POLR1D: variants seen among roughly 807,000 people sequenced by gnomAD.
POLR1D encodes RNA polymerase I and III subunit D.
A neutral mutation model predicts 10.8 loss-of-function variants in POLR1D; 8 were observed. The observed-to-expected ratio is 0.74, with a 90% confidence interval of 0.43 to 1.33. The LOEUF (loss-of-function observed/expected upper bound fraction) is 1.33, where lower values mean the gene tolerates loss of function less well. Ranked by LOEUF, POLR1D falls within the 40% of genes most tolerant of loss-of-function variation. POLR1D has a pLI of 0.01. For missense variants in POLR1D, 152 were observed against 161.7 expected (o/e 0.94, Z 0.32); for synonymous variants, 54 against 57.2 (o/e 0.94, Z 0.25).
rs1014369151 is a variant in POLR1D, at chr13:27,623,014, C to T, written c.166C>T (p.Arg56Cys). ...EEDHTLGNSL[R>C]YMIMKNPEVE... The stretch of plus-strand genomic sequence containing the variant: ...AGACCATACCCTAGGAAATTCTCTA[C>T]GTTACATGATCATGAAGAACCCGGA... The change falls in exon 2 of 2, where the codon CGT becomes TGT. Residue 56 changes from arginine to cysteine, a missense_variant. Arg to Cys is a radical substitution (Grantham distance 180). Coordinates refer to ENST00000302979, the MANE Select transcript of POLR1D (RefSeq NM_015972.4). The T allele has an allele frequency of 5.6e-6, 9 of 1,614,002 alleles. No homozygotes were observed. Among genetic ancestry groups the T allele is most frequent in the South Asian group, 1.1e-5 (1 of 91,072 alleles).
Position 27,621,980 on chromosome 13 carries a change from A to G in POLR1D, c.-4A>G, listed in dbSNP as rs1230046366. ...CACCTGAGGATCCAGAAACCGCCCC[A>G]GCGATGGAAGAGGATCAGGAGCTGG... On this transcript the variant is annotated 5_prime_UTR_variant, in exon 1 of 2. Coordinates refer to ENST00000302979, the MANE Select transcript of POLR1D (RefSeq NM_015972.4). The G allele has an allele frequency of 1.3e-6, 2 of 1,593,270 alleles. No individual in the cohort carries two copies. Among genetic ancestry groups the G allele is most frequent in the South Asian group, 1.1e-5 (1 of 87,660 alleles).
chr13:27,659,377 C>G (rs774648062), intron 2 of POLR1D, among the ~76,000 whole-genome samples: 2 of 152,206 alleles, frequency 1.3e-5, no homozygotes, highest in Non-Finnish European at 2.9e-5. Context: ...GCTCACATCT[C>G]AGACGATTCG....
chr13:27,657,504 C>T (rs60653567), intron 2 of POLR1D, among the ~76,000 whole-genome samples: 5,180 of 151,840 alleles, frequency 0.034, 137 homozygotes, highest in Non-Finnish European at 0.054. Context: ...CCAGCCTGGG[C>T]GACGGAGCAA....
chr13:27,635,030 GATA>G (rs1296971740), intron 1 of POLR1D, among the ~76,000 whole-genome samples: 2 of 152,076 alleles, frequency 1.3e-5, no homozygotes, highest in African/African-American at 4.8e-5. Flanking sequence ...GACTCATAAA[GATA>G]ACAGCTTTGC....
At chr13:27,658,569 A>G (rs10492484) in intron 2 of POLR1D, among the ~76,000 whole-genome samples, 7,442 of 152,310 alleles carry the variant, frequency 0.049, 281 homozygotes, top group South Asian at 0.12. Context: ...GATATTCCAT[A>G]AGAAATAGAT....
intron 1 of POLR1D, among the ~76,000 whole-genome samples, chr13:27,646,688 A>T (rs560979855): frequency 6.6e-6 from 1 of 152,218 alleles, no homozygotes; most frequent in Non-Finnish European, 1.5e-5. Context: ...AAATAAGCAG[A>T]TGTATTTTTG....
chr13:27,654,539 G>A (rs930429930), intron 2 of POLR1D, among the ~76,000 whole-genome samples: 19 of 152,204 alleles, frequency 1.2e-4, no homozygotes, highest in African/African-American at 4.3e-4. Context: ...AATACTGGGA[G>A]TTGTTTTCCT....
chr13:27,648,761 T>C (rs139520710), intron 2 of POLR1D, among the ~76,000 whole-genome samples: 3 of 152,362 alleles, frequency 2.0e-5, no homozygotes, highest in Non-Finnish European at 4.4e-5. Context: ...AGTAATATTA[T>C]GTTGGTGTTC....
rs533581205 is a variant in POLR1D at position 27,652,412 on chromosome 13, G to A, written c.101+3959G>A. Among the ~76,000 whole-genome samples the A allele has an allele frequency of 3.3e-5, 5 of 152,308 alleles. No homozygotes were observed. The South Asian group carries it at 8.3e-4, about 25-fold the overall frequency. On this transcript the variant is annotated intron_variant, in intron 2 of 2. Coordinates refer to the POLR1D transcript ENST00000399697. ...GATGTACTCTTTAGGAATAACACTG[G>A]TTAGGTTGGTAGTTACACAGAGTTA... is the stretch of plus-strand genomic sequence containing the variant.
At chr13:27,655,385 A>G (rs781461970) in intron 2 of POLR1D, among the ~76,000 whole-genome samples, 8 of 152,206 alleles carry the variant, frequency 5.3e-5, no homozygotes, top group Non-Finnish European at 1.0e-4. Flanking sequence ...TAATTACCAT[A>G]TCAATGAAAT....
intron 1 of POLR1D, among the ~76,000 whole-genome samples, chr13:27,632,764 A>C (rs984539129): frequency 2.0e-5 from 3 of 151,864 alleles, no homozygotes; most frequent in African/African-American, 7.3e-5. Flanking sequence ...CTACCCCTCA[A>C]ACACACACAC....
chr13:27,648,265 A>G (rs565961296), intron 1 of POLR1D: 4 of 718,346 alleles, frequency 5.6e-6, no homozygotes, highest in Non-Finnish European at 2.4e-6. Flanking sequence ...AATTTGCCCC[A>G]GCAATCATGC....
At chr13:27,621,764 C>G, upstream of POLR1D, 1 of 382,670 alleles carries the variant, frequency 2.6e-6, no homozygotes, top group Non-Finnish European at 4.6e-6. Context: ...GGCCGCGAGC[C>G]ACCGCTCACC....
intron 1 of POLR1D, among the ~76,000 whole-genome samples, chr13:27,644,019 T>G (rs1232739485): frequency 6.6e-6 from 1 of 152,190 alleles, no homozygotes; most frequent in Non-Finnish European, 1.5e-5. Context: ...AAGGTGACTT[T>G]TAAAGACTGA....
Position 27,622,936 on chromosome 13 carries a change from G to T in POLR1D, c.88G>T (p.Val30Phe). ...EGERKTALEM[V>F]QAAGTDRHCV... Reference sequence around the variant, plus strand: ...CGAGAGGAAGACAGCCCTGGAAATGGTCCAGGCAGCTGGAACAGATAGACA... The same window carrying T: ...CGAGAGGAAGACAGCCCTGGAAATGTTCCAGGCAGCTGGAACAGATAGACA... The change falls in exon 2 of 2, where the codon GTC (valine) becomes TTC (phenylalanine). Residue 30 changes from valine to phenylalanine, a missense_variant. By Grantham distance (50) the Val-to-Phe change is conservative (BLOSUM62 -1). Coordinates refer to ENST00000302979, the MANE Select transcript of POLR1D (RefSeq NM_015972.4). 1 of 1,610,752 alleles carries T rather than the reference G, an allele frequency of 6.2e-7. No homozygotes were observed. The highest frequency in any genetic ancestry group is 8.5e-7 in the Non-Finnish European group (1 of 1,176,922).
intron 1 of POLR1D, among the ~76,000 whole-genome samples, chr13:27,641,193 C>G (rs1956170380): frequency 6.6e-6 from 1 of 152,220 alleles, no homozygotes; most frequent in Non-Finnish European, 1.5e-5. Context: ...ACTTTCACAT[C>G]TCATGTGAAA....
At chr13:27,636,164 A>G (rs9554080) in intron 1 of POLR1D, among the ~76,000 whole-genome samples, 13,998 of 152,156 alleles carry the variant, frequency 0.092, 871 homozygotes, top group East Asian at 0.33. Flanking sequence ...TTGTCCTCTA[A>G]AGGTAATGAT....
intron 1 of POLR1D, among the ~76,000 whole-genome samples, chr13:27,640,302 A>G (rs1956162370): frequency 6.6e-6 from 1 of 152,172 alleles, no homozygotes; most frequent in South Asian, 2.1e-4. Flanking sequence ...AACCCAGGAA[A>G]CACCCTACTC....
chr13:27,665,440 T>G (rs1454541328), intron 2 of POLR1D: 26 of 524,584 alleles, frequency 5.0e-5, no homozygotes, highest in Non-Finnish European at 8.2e-5. Context: ...AGTAGGAAAT[T>G]TAGTCCCAGG....
Sources: gnomAD v4.1 joint callset for allele counts (sites outside exome capture counted in the v4.1 genomes callset) on GRCh38, gnomAD v4.1.1 for gene constraint, MANE v1.5 for transcripts, NCBI Gene and HGNC (gene_info 2026-07-23, HGNC 2026-07-21) for gene names.